EEFSEC: variants seen among roughly 807,000 people sequenced by gnomAD.
EEFSEC encodes selenocysteine-specific elongation factor.
In EEFSEC, 43 loss-of-function variants were observed where a neutral mutation model predicts 42.1. The ratio of observed to expected loss-of-function variants is 1.02; its 90% CI spans 0.80 to 1.32. EEFSEC has a LOEUF of 1.32. Ranked by LOEUF, EEFSEC falls within the 40% of genes most tolerant of loss-of-function variation. EEFSEC has a pLI of 0.00. For synonymous variants in EEFSEC, 354 were observed against 339.1 expected (o/e 1.04, Z -0.48); for missense variants, 745 against 803.6 (o/e 0.93, Z 0.88).
chr3:128,325,154 G>A (rs1199788041), intron 4 of EEFSEC, among the ~76,000 whole-genome samples: 1 of 152,188 alleles, frequency 6.6e-6, no homozygotes. Flanking sequence ...ACTGCTCCCC[G>A]TGCCATACAG....
chr3:128,252,085 G>C (rs2066193093), intron 2 of EEFSEC, among the ~76,000 whole-genome samples: 1 of 152,114 alleles, frequency 6.6e-6, no homozygotes, highest in South Asian at 2.1e-4. Context: ...CAGCATCCTT[G>C]ATACATCATT....
chr3:128,347,686 G>A (rs970623210), intron 5 of EEFSEC, among the ~76,000 whole-genome samples: 2 of 152,246 alleles, frequency 1.3e-5, no homozygotes, highest in East Asian at 1.9e-4. Context: ...AAATGCTAAC[G>A]CTGAGAGATT....
chr3:128,185,909 T>G (rs2065460102), intron 1 of EEFSEC, among the ~76,000 whole-genome samples: 1 of 152,254 alleles, frequency 6.6e-6, no homozygotes, highest in Non-Finnish European at 1.5e-5. Flanking sequence ...AGGAGTCATG[T>G]ACATGTTTTT....
chr3:128,394,901 C>A (rs1337064722), intron 6 of EEFSEC, among the ~76,000 whole-genome samples: 1 of 152,190 alleles, frequency 6.6e-6, no homozygotes, highest in Non-Finnish European at 1.5e-5. Context: ...GCCTCTGCAC[C>A]CTTGGTTGAA....
At chr3:128,254,906 C>T (rs2066226217) in intron 2 of EEFSEC, among the ~76,000 whole-genome samples, 1 of 152,010 alleles carries the variant, frequency 6.6e-6, no homozygotes, top group African/African-American at 2.4e-5. Flanking sequence ...AGAGTGGAAG[C>T]CATTAAGAAT....
At chr3:128,362,838 AG>A (rs2067544903) in intron 6 of EEFSEC, among the ~76,000 whole-genome samples, 1 of 152,212 alleles carries the variant, frequency 6.6e-6, no homozygotes, top group African/African-American at 2.4e-5. Flanking sequence ...GGAGCTCAAA[AG>A]GGTACTCATA....
intron 1 of EEFSEC, among the ~76,000 whole-genome samples, chr3:128,190,210 G>T (rs1160706912): frequency 6.6e-6 from 1 of 152,184 alleles, no homozygotes; most frequent in Non-Finnish European, 1.5e-5. Flanking sequence ...ACAGCCTCAG[G>T]CAGGTCCTTC....
intron 4 of EEFSEC, among the ~76,000 whole-genome samples, chr3:128,265,111 T>C (rs982441838): frequency 1.3e-5 from 2 of 151,880 alleles, no homozygotes; most frequent in Admixed American, 1.3e-4. Context: ...GATCACATGG[T>C]TAACAAGTGG....
intron 2 of EEFSEC, among the ~76,000 whole-genome samples, chr3:128,261,440 C>T (rs1040442931): frequency 6.6e-6 from 1 of 151,796 alleles, no homozygotes; most frequent in Non-Finnish European, 1.5e-5. Flanking sequence ...CGTATACATA[C>T]TATAACCAAA....
At chr3:128,366,792 G>A (rs1462957511) in intron 6 of EEFSEC, among the ~76,000 whole-genome samples, 1 of 152,204 alleles carries the variant, frequency 6.6e-6, no homozygotes, top group African/African-American at 2.4e-5. Context: ...CCCCTGTTAT[G>A]TGTCATCCTT....
At chr3:128,356,027 A>G (rs1264993353) in intron 5 of EEFSEC, among the ~76,000 whole-genome samples, 2 of 152,254 alleles carry the variant, frequency 1.3e-5, no homozygotes, top group African/African-American at 2.4e-5. Flanking sequence ...GGGAGCTCAT[A>G]GGATCTGTCG....
chr3:128,393,041 G>A (rs1285926909), intron 6 of EEFSEC, among the ~76,000 whole-genome samples: 1 of 152,272 alleles, frequency 6.6e-6, no homozygotes, highest in Non-Finnish European at 1.5e-5. Flanking sequence ...TCCATGGGAA[G>A]GAGCAGGAGG....
At chr3:128,372,742 C>T (rs1199700755) in intron 6 of EEFSEC, among the ~76,000 whole-genome samples, 1 of 152,222 alleles carries the variant, frequency 6.6e-6, no homozygotes, top group African/African-American at 2.4e-5. Context: ...ATTAGTAGGT[C>T]GTCACTCACC....
At chr3:128,349,229 G>A (rs1436814698) in intron 5 of EEFSEC, among the ~76,000 whole-genome samples, 1 of 152,132 alleles carries the variant, frequency 6.6e-6, no homozygotes, top group African/African-American at 2.4e-5. Context: ...CCTTCACCCT[G>A]CAGGGGGGAG....
intron 4 of EEFSEC, among the ~76,000 whole-genome samples, chr3:128,296,474 C>T (rs1414278893): frequency 6.6e-6 from 1 of 152,160 alleles, no homozygotes; most frequent in Admixed American, 6.5e-5. Context: ...TTCTCTGTAG[C>T]CTCAGCTTTT....
intron 1 of EEFSEC, among the ~76,000 whole-genome samples, chr3:128,220,814 G>A (rs568730898): frequency 2.6e-5 from 4 of 152,324 alleles, no homozygotes; most frequent in South Asian, 2.1e-4. Context: ...CTTCAGTGCT[G>A]TATGTGCATT....
chr3:128,185,107 A>C (rs1386253288), intron 1 of EEFSEC, among the ~76,000 whole-genome samples: 1 of 149,378 alleles, frequency 6.7e-6, no homozygotes, highest in African/African-American at 2.4e-5. Context: ...CTGTAAACTG[A>C]AAGCAGTTTT....
At chr3:128,377,137 A>G (rs536470386) in intron 6 of EEFSEC, among the ~76,000 whole-genome samples, 1 of 152,318 alleles carries the variant, frequency 6.6e-6, no homozygotes, top group African/African-American at 2.4e-5. Flanking sequence ...TAGTCCCATT[A>G]TTAATATTTT....
At chr3:128,410,228 G>C (rs778135148), downstream of EEFSEC, among the ~76,000 whole-genome samples, 1 of 152,200 alleles carries the variant, frequency 6.6e-6, no homozygotes, top group African/African-American at 2.4e-5. Context: ...CTCCTCCTCA[G>C]TGTGGGGCTG....
Sources: gnomAD v4.1 joint callset for allele counts (sites outside exome capture counted in the v4.1 genomes callset) on GRCh38, gnomAD v4.1.1 for gene constraint, MANE v1.5 for transcripts, NCBI Gene and HGNC (gene_info 2026-07-23, HGNC 2026-07-21) for gene names.